Variants in SMIM32 observed in about 807,000 individuals in gnomAD.
SMIM32 encodes the protein small integral membrane protein 32.
A neutral mutation model predicts 1.6 loss-of-function variants in SMIM32; 1 was observed. The ratio of observed to expected loss-of-function variants is 0.64; its 90% CI spans 0.23 to 3.02. The LOEUF is 3.02. SMIM32 is among the 30% of genes most tolerant of loss of function. The probability of loss-of-function intolerance (pLI) is 0.21; values close to 1 mark genes in which losing one functional copy is unlikely to be tolerated. For synonymous variants in SMIM32, 53 were observed against 31.3 expected, an observed-to-expected ratio of 1.69 and a Z score of -2.31; for missense variants, 99 against 60.5, an observed-to-expected ratio of 1.64 and a Z score of -2.11.
Position 136,192,449 on chromosome 5 carries a change from C to T in SMIM32, c.76G>A (p.Val26Ile). Residue 26 changes from valine to isoleucine, a missense_variant, in exon 1 of 1, where the codon GTC (valine) becomes ATC (isoleucine). Physicochemically the swap from Val to Ile is conservative, Grantham distance 29. Coordinates refer to ENST00000607574, the MANE Select transcript of SMIM32 (RefSeq NM_001350994.2). ...VGSALAPGAT[V>I]KAEGALPLEL... ...AGCGGCAAAGCGCCTTCTGCCTTGA[C>T]CGTGGCTCCTGGGGCCAGCGCGCTG... 1.4e-6 allele frequency: 1 copy of T among 701,380 alleles called. No individual in the cohort carries two copies. Among genetic ancestry groups the T allele is most frequent in the Non-Finnish European group, 2.6e-6 (1 of 384,084 alleles). The allele number at this position is 701,380 out of a possible 1,614,324, so 43.4% of individuals were successfully genotyped here. A position where few individuals can be genotyped will look rare whatever the true frequency, so the allele number is the denominator to read the frequency against.
Position 136,192,849 on chromosome 5 carries a change from A to C in SMIM32, c.-325T>G. 1 of 315,700 alleles carries C rather than the reference A, an allele frequency of 3.2e-6. No individual in the cohort carries two copies. Among genetic ancestry groups the C allele is most frequent in the Non-Finnish European group, 5.8e-6 (1 of 173,666 alleles). The allele number at this position is 315,700 out of a possible 1,614,324, so 19.6% of individuals were successfully genotyped here. A position where few individuals can be genotyped will look rare whatever the true frequency, so the allele number is the denominator to read the frequency against. On this transcript the variant is annotated 5_prime_UTR_variant, in exon 1 of 1. Transcript: ENST00000607574. Reference sequence around the variant, plus strand: ...CACTGACTCGCCTTTCGGCTTTACAACAGCCCGCTCAGCTCGGACCCTCAG... The same window carrying C: ...CACTGACTCGCCTTTCGGCTTTACACCAGCCCGCTCAGCTCGGACCCTCAG...
chr5:136,192,788 GTTTC>G lies in SMIM32; in HGVS notation c.-268_-265del. 1 of 469,522 alleles carries G rather than the reference GTTTC, an allele frequency of 2.1e-6. No individual in the cohort carries two copies. The highest frequency in any genetic ancestry group is 3.6e-5 in the East Asian group (1 of 28,102). The allele number at this position is 469,522 out of a possible 1,614,324, so 29.1% of individuals were successfully genotyped here. ...TGTGCCCGCGCCCCTCGGGCTCACT[GTTTC>G]TCTCCGTCGCCACCAGGACAGAGGT... On this transcript the variant is annotated 5_prime_UTR_variant, in exon 1 of 1. Transcript: ENST00000607574.
chr5:136,192,624 G>A lies in SMIM32; in HGVS notation c.-100C>T. The A allele has an allele frequency of 1.7e-6, 1 of 584,620 alleles. No homozygotes were observed. The highest frequency in any genetic ancestry group is 3.0e-6 in the Non-Finnish European group (1 of 331,216). 36.2% of individuals were successfully genotyped at this position (584,620 alleles called of 1,614,324 possible). A position where few individuals can be genotyped will look rare whatever the true frequency, so the allele number is the denominator to read the frequency against. Reference sequence around the variant, plus strand: ...CATGGCGCGCCCCTCCCGCCCTGCCGCGCCCAACTGACCGAGAGTCGGTGC... The same window carrying A: ...CATGGCGCGCCCCTCCCGCCCTGCCACGCCCAACTGACCGAGAGTCGGTGC... On this transcript the variant is annotated 5_prime_UTR_variant, in exon 1 of 1. Coordinates refer to ENST00000607574, the MANE Select transcript of SMIM32 (RefSeq NM_001350994.2).
Position 136,192,677 on chromosome 5 carries a change from C to T in SMIM32, c.-153G>A. 1.8e-6 allele frequency: 1 copy of T among 567,280 alleles called. No homozygotes were observed. Among genetic ancestry groups the T allele is most frequent in the Non-Finnish European group, 3.1e-6 (1 of 323,184 alleles). The allele number at this position is 567,280 out of a possible 1,614,324, so 35.1% of individuals were successfully genotyped here. A position where few individuals can be genotyped will look rare whatever the true frequency, so the allele number is the denominator to read the frequency against. On this transcript the variant is annotated 5_prime_UTR_variant, in exon 1 of 1. Transcript: ENST00000607574. ...TGGGGCCGGCGGGGACTGCAAAGACCCCGGGACGCGTCCGCTCACTCGCCT... is the reference window on the plus strand; with the variant it reads ...TGGGGCCGGCGGGGACTGCAAAGACTCCGGGACGCGTCCGCTCACTCGCCT...
Position 136,192,568 on chromosome 5 carries a change from C to A in SMIM32, c.-44G>T. The A allele has an allele frequency of 1.6e-6, 1 of 629,410 alleles. No individual in the cohort carries two copies. The allele number at this position is 629,410 out of a possible 1,614,324, so 39.0% of individuals were successfully genotyped here. The stretch of plus-strand genomic sequence containing the variant: ...ACCCCAGCCGGACCGCTTCACTTGG[C>A]CTGGAGCATACTGGCGCGACCCGGC... On this transcript the variant is annotated 5_prime_UTR_variant, in exon 1 of 1. Transcript: ENST00000607574.
At position 136,191,869 on chromosome 5, in the gene SMIM32, G is replaced by T. The variant is rs1754824354; in HGVS notation, c.*344C>A. 1 of 267,154 alleles carries T rather than the reference G, an allele frequency of 3.7e-6. No homozygotes were observed. Among genetic ancestry groups the T allele is most frequent in the Non-Finnish European group, 6.9e-6 (1 of 143,940 alleles). 16.5% of individuals were successfully genotyped at this position (267,154 alleles called of 1,614,324 possible). On this transcript the variant is annotated 3_prime_UTR_variant, in exon 1 of 1. Transcript: ENST00000607574. The stretch of plus-strand genomic sequence containing the variant: ...AAGTCAGCAGGCGGCGAGCAAGCAA[G>T]ACGGGCTGGCGCGCCGTCTTTCAGG...
chr5:136,192,792 C>G lies in SMIM32; in HGVS notation c.-268G>C, dbSNP rs949178041. On this transcript the variant is annotated 5_prime_UTR_variant, in exon 1 of 1. Transcript: ENST00000607574. ...CCCGCGCCCCTCGGGCTCACTGTTT[C>G]TCTCCGTCGCCACCAGGACAGAGGT... The G allele has an allele frequency of 1.3e-5, 6 of 465,734 alleles. No individual in the cohort carries two copies. Among genetic ancestry groups the G allele is most frequent in the Non-Finnish European group, 2.3e-5 (6 of 266,484 alleles). 28.9% of individuals were successfully genotyped at this position (465,734 alleles called of 1,614,324 possible). A position where few individuals can be genotyped will look rare whatever the true frequency, so the allele number is the denominator to read the frequency against.
chr5:136,192,123 C>T lies in SMIM32; in HGVS notation c.*90G>A. 1 of 605,060 alleles carries T rather than the reference C, an allele frequency of 1.7e-6. No individual in the cohort carries two copies. Among genetic ancestry groups the T allele is most frequent in the Non-Finnish European group, 2.9e-6 (1 of 341,462 alleles). The allele number at this position is 605,060 out of a possible 1,614,324, so 37.5% of individuals were successfully genotyped here. Reference sequence around the variant, plus strand: ...ACCGTGTTCCCAGGGGCCAGCGATCCCCGGTGTCGTGCCCTCCCTACCAGG... The same window carrying T: ...ACCGTGTTCCCAGGGGCCAGCGATCTCCGGTGTCGTGCCCTCCCTACCAGG... On this transcript the variant is annotated 3_prime_UTR_variant, in exon 1 of 1. Transcript: ENST00000607574.
rs972384125 is a variant in SMIM32, at chr5:136,192,595, C to T, written c.-71G>A. 3.4e-6 allele frequency: 2 copies of T among 584,952 alleles called. No individual in the cohort carries two copies. The highest frequency in any genetic ancestry group is 6.0e-6 in the Non-Finnish European group (2 of 331,490). 36.2% of individuals were successfully genotyped at this position (584,952 alleles called of 1,614,324 possible). On this transcript the variant is annotated 5_prime_UTR_variant, in exon 1 of 1. Transcript: ENST00000607574. ...TGGAGCATACTGGCGCGACCCGGCGCCTCCATGGCGCGCCCCTCCCGCCCT... is the reference window on the plus strand; with the variant it reads ...TGGAGCATACTGGCGCGACCCGGCGTCTCCATGGCGCGCCCCTCCCGCCCT...
At position 136,192,408 on chromosome 5, in the gene SMIM32, C is replaced by T. The variant is rs1318184117; in HGVS notation, c.117G>A (p.Ala39=). ...TGGCCGCGCCGTCCCTCATACCGCG[C>T]GCAGTGGCCAGCTCCAGCGGCAAAG... ...EGALPLELAT[A]RGMRDGAATK... is the part of the protein sequence containing the mutation. The change falls in exon 1 of 1, where the codon GCG becomes GCA. Residue 39 remains alanine (A), a synonymous_variant. Coordinates refer to ENST00000607574, the MANE Select transcript of SMIM32 (RefSeq NM_001350994.2). 2 of 702,190 alleles carry T rather than the reference C, an allele frequency of 2.8e-6. No individual in the cohort carries two copies. The highest frequency in any genetic ancestry group is 2.6e-6 in the Non-Finnish European group (1 of 384,638). 43.5% of individuals were successfully genotyped at this position (702,190 alleles called of 1,614,324 possible).
rs1249558083 is a variant in SMIM32, at chr5:136,192,046, C to T, written c.*167G>A. ...CACAGGCTCCCGACGCCTCGGTCTC[C>T]CTTTCCTCTCGGGTTGCCACTCTAG... On this transcript the variant is annotated 3_prime_UTR_variant, in exon 1 of 1. Coordinates refer to ENST00000607574, the MANE Select transcript of SMIM32 (RefSeq NM_001350994.2). 1.8e-6 allele frequency: 1 copy of T among 570,660 alleles called. No homozygotes were observed. The highest frequency in any genetic ancestry group is 3.0e-5 in the East Asian group (1 of 33,664). The allele number at this position is 570,660 out of a possible 1,614,324, so 35.3% of individuals were successfully genotyped here.
chr5:136,191,867 A>T lies in SMIM32; in HGVS notation c.*346T>A. 3.8e-6 allele frequency: 1 copy of T among 263,722 alleles called. No homozygotes were observed. The highest frequency in any genetic ancestry group is 7.1e-6 in the Non-Finnish European group (1 of 141,632). 16.3% of individuals were successfully genotyped at this position (263,722 alleles called of 1,614,324 possible). On this transcript the variant is annotated 3_prime_UTR_variant, in exon 1 of 1. Transcript: ENST00000607574. ...GGAAGTCAGCAGGCGGCGAGCAAGCAAGACGGGCTGGCGCGCCGTCTTTCA... is the reference window on the plus strand; with the variant it reads ...GGAAGTCAGCAGGCGGCGAGCAAGCTAGACGGGCTGGCGCGCCGTCTTTCA...
rs1318184117 is a variant in SMIM32, at chr5:136,192,408, C to A, written c.117G>T (p.Ala39=). 1 of 702,190 alleles carries A rather than the reference C, an allele frequency of 1.4e-6. No individual in the cohort carries two copies. Among genetic ancestry groups the A allele is most frequent in the South Asian group, 1.5e-5 (1 of 67,564 alleles). The allele number at this position is 702,190 out of a possible 1,614,324, so 43.5% of individuals were successfully genotyped here. A position where few individuals can be genotyped will look rare whatever the true frequency, so the allele number is the denominator to read the frequency against. ...EGALPLELAT[A]RGMRDGAATK... ...TGGCCGCGCCGTCCCTCATACCGCG[C>A]GCAGTGGCCAGCTCCAGCGGCAAAG... Residue 39 remains alanine (A), a synonymous_variant, in exon 1 of 1, where the codon GCG becomes GCT. Coordinates refer to ENST00000607574, the MANE Select transcript of SMIM32 (RefSeq NM_001350994.2).
chr5:136,192,473 T>C lies in SMIM32; in HGVS notation c.52A>G (p.Ser18Gly), dbSNP rs868071247. ...ATGGPEAAVGSALAPGATVKA... is the reference protein window; with the variant it reads ...ATGGPEAAVGGALAPGATVKA... ...ACCGTGGCTCCTGGGGCCAGCGCGC[T>C]GCCTACCGCCGCCTCGGGGCCGCCC... is the stretch of plus-strand genomic sequence containing the variant. The change falls in exon 1 of 1, where the codon AGC becomes GGC. Residue 18 changes from serine to glycine, a missense_variant. By Grantham distance (56) the Ser-to-Gly change is moderately conservative (BLOSUM62 0). Transcript: ENST00000607574. 1 of 696,586 alleles carries C rather than the reference T, an allele frequency of 1.4e-6. No homozygotes were observed. 43.2% of individuals were successfully genotyped at this position (696,586 alleles called of 1,614,324 possible). A position where few individuals can be genotyped will look rare whatever the true frequency, so the allele number is the denominator to read the frequency against.
chr5:136,192,394 T>C lies in SMIM32; in HGVS notation c.131A>G (p.Asp44Gly). Residue 44 changes from aspartate to glycine, a missense_variant, in exon 1 of 1, where the codon GAC becomes GGC. Asp to Gly is a moderately conservative substitution (Grantham distance 94). Transcript: ENST00000607574. ...LELATARGMR[D>G]GAATKPDLPT... ...CAGGTCGGGCTTTGTGGCCGCGCCG[T>C]CCCTCATACCGCGCGCAGTGGCCAG... 1.4e-6 allele frequency: 1 copy of C among 701,738 alleles called. No individual in the cohort carries two copies. The highest frequency in any genetic ancestry group is 2.4e-4 in the Middle Eastern group (1 of 4,190). 43.5% of individuals were successfully genotyped at this position (701,738 alleles called of 1,614,324 possible).
chr5:136,192,632 C>G lies in SMIM32; in HGVS notation c.-108G>C. 1.7e-6 allele frequency: 1 copy of G among 581,356 alleles called. No individual in the cohort carries two copies. The highest frequency in any genetic ancestry group is 3.0e-6 in the Non-Finnish European group (1 of 329,446). 36.0% of individuals were successfully genotyped at this position (581,356 alleles called of 1,614,324 possible). ...GCCCCTCCCGCCCTGCCGCGCCCAACTGACCGAGAGTCGGTGCCTTGGGGC... is the reference window on the plus strand; with the variant it reads ...GCCCCTCCCGCCCTGCCGCGCCCAAGTGACCGAGAGTCGGTGCCTTGGGGC... On this transcript the variant is annotated 5_prime_UTR_variant, in exon 1 of 1. Transcript: ENST00000607574.
rs769283922 is a variant in SMIM32, at chr5:136,192,558, C to T, written c.-34G>A. The T allele has an allele frequency of 6.2e-6, 4 of 648,422 alleles. No individual in the cohort carries two copies. In the South Asian group the frequency reaches 6.8e-5, roughly 11 times the overall value. 40.2% of individuals were successfully genotyped at this position (648,422 alleles called of 1,614,324 possible). ...GGTCCCGCCGACCCCAGCCGGACCG[C>T]TTCACTTGGCCTGGAGCATACTGGC... is the stretch of plus-strand genomic sequence containing the variant. On this transcript the variant is annotated 5_prime_UTR_variant, in exon 1 of 1. Coordinates refer to ENST00000607574, the MANE Select transcript of SMIM32 (RefSeq NM_001350994.2).
rs1368967104 is a variant in SMIM32, at chr5:136,192,118, C to T, written c.*95G>A. ...AGGGCACCGTGTTCCCAGGGGCCAG[C>T]GATCCCCGGTGTCGTGCCCTCCCTA... On this transcript the variant is annotated 3_prime_UTR_variant, in exon 1 of 1. Transcript: ENST00000607574. 2 of 603,978 alleles carry T rather than the reference C, an allele frequency of 3.3e-6. No homozygotes were observed. The highest frequency in any genetic ancestry group is 3.9e-5 in the South Asian group (2 of 51,308). The allele number at this position is 603,978 out of a possible 1,614,324, so 37.4% of individuals were successfully genotyped here. A position where few individuals can be genotyped will look rare whatever the true frequency, so the allele number is the denominator to read the frequency against.
At position 136,193,044 on chromosome 5, in the gene SMIM32, G is replaced by A. The variant is rs1754857769; in HGVS notation, c.-520C>T. ...CCTCCGGCGCCGCCGCCACCGCAGC[G>A]TCTCGGAACAGTCCTGCAGGCTCTG... is the stretch of plus-strand genomic sequence containing the variant. On this transcript the variant is annotated 5_prime_UTR_variant, in exon 1 of 1. The change creates a new upstream start codon in the 5' untranslated region. Transcript: ENST00000607574. 6.5e-6 allele frequency: 1 copy of A among 154,624 alleles called. No individual in the cohort carries two copies. Among genetic ancestry groups the A allele is most frequent in the Admixed American group, 6.5e-5 (1 of 15,438 alleles). 9.6% of individuals were successfully genotyped at this position (154,624 alleles called of 1,614,324 possible).
Sources: gnomAD v4.1 joint callset for allele counts on GRCh38, gnomAD v4.1.1 for gene constraint, MANE v1.5 for transcripts, NCBI Gene and HGNC (gene_info 2026-07-23, HGNC 2026-07-21) for gene names.